INPP4B: variants seen among roughly 807,000 people sequenced by gnomAD.
The protein encoded by INPP4B is inositol polyphosphate-4-phosphatase type II B, also known as inositol polyphosphate 4-phosphatase type II.
In INPP4B, 55 loss-of-function variants were observed where a neutral mutation model predicts 122.5. The observed-to-expected ratio is 0.45, with a 90% CI of 0.36 to 0.56. The LOEUF (loss-of-function observed/expected upper bound fraction) is 0.56. INPP4B is among the 20% of genes least tolerant of loss of function. The pLI is 0.00. For synonymous variants in INPP4B, 403 were observed against 388.7 expected (o/e 1.04, Z -0.43); for missense variants, 1,000 against 1,097.7 (o/e 0.91, Z 1.26).
chr4:142,231,482 C>T (rs890931680), intron 12 of INPP4B, among the ~76,000 whole-genome samples: 3 of 152,126 alleles, frequency 2.0e-5, no homozygotes, highest in African/African-American at 7.2e-5. Flanking sequence ...TTCATTCTCG[C>T]TGATTTAAAA....
chr4:142,575,894 A>C (rs2150177601), intron 2 of INPP4B, among the ~76,000 whole-genome samples: 1 of 152,142 alleles, frequency 6.6e-6, no homozygotes, highest in Non-Finnish European at 1.5e-5. Flanking sequence ...TAGTTACTCA[A>C]GTAACTCAAG....
chr4:142,442,244 C>T (rs115858575), intron 3 of INPP4B, among the ~76,000 whole-genome samples: 3,782 of 151,606 alleles, frequency 0.025, 74 homozygotes, highest in Non-Finnish European at 0.038. Flanking sequence ...AATGCCATCT[C>T]CACCAAAAAA....
intron 14 of INPP4B, among the ~76,000 whole-genome samples, chr4:142,197,909 T>C (rs993762320): frequency 1.3e-5 from 2 of 152,238 alleles, no homozygotes; most frequent in Non-Finnish European, 2.9e-5. Flanking sequence ...TCTGATTCAC[T>C]AAACAAAAAA....
intron 2 of INPP4B, among the ~76,000 whole-genome samples, chr4:142,637,649 G>T (rs761509141): frequency 9.2e-5 from 14 of 152,178 alleles, no homozygotes; most frequent in African/African-American, 2.9e-4. Flanking sequence ...AAATAAAGCT[G>T]CTGTAAACAT....
At chr4:142,712,107 C>A (rs1300415019) in intron 2 of INPP4B, among the ~76,000 whole-genome samples, 4 of 152,084 alleles carry the variant, frequency 2.6e-5, no homozygotes, top group African/African-American at 9.7e-5. Flanking sequence ...CACTTTTGCA[C>A]CTTCTACCAT....
intron 5 of INPP4B, chr4:142,423,822 A>AT: frequency 3.5e-6 from 1 of 288,952 alleles, no homozygotes; most frequent in Non-Finnish European, 6.6e-6. Flanking sequence ...AATTTCCTAT[A>AT]AAAAAAAAAA....
chr4:142,423,128 T>C (rs1200874133), intron 5 of INPP4B, among the ~76,000 whole-genome samples: 2 of 152,106 alleles, frequency 1.3e-5, no homozygotes, highest in African/African-American at 4.8e-5. Context: ...TAATCATTTA[T>C]AGAACACAGA....
At chr4:142,791,942 T>C (rs1776613495) in intron 1 of INPP4B, among the ~76,000 whole-genome samples, 1 of 152,136 alleles carries the variant, frequency 6.6e-6, no homozygotes, top group African/African-American at 2.4e-5. Flanking sequence ...CACGTATGGT[T>C]GACAAGAAAT....
intron 1 of INPP4B, among the ~76,000 whole-genome samples, chr4:142,742,277 AT>A (rs1354659609): frequency 3.3e-5 from 5 of 152,026 alleles, no homozygotes; most frequent in Non-Finnish European, 4.4e-5. Flanking sequence ...AATGGGGGAC[AT>A]TTTTGTGGAA....
At chr4:142,076,553 C>A (rs563081301) in intron 25 of INPP4B, among the ~76,000 whole-genome samples, 1 of 152,082 alleles carries the variant, frequency 6.6e-6, no homozygotes, top group African/African-American at 2.4e-5. Context: ...ATGTAGCAAA[C>A]ACACCACTGA....
rs888149168 is a variant in INPP4B, at chr4:142,168,161, G to C, written c.1359+5471C>G. On this transcript the variant is annotated intron_variant, in intron 16 of 25. Transcript: ENST00000262992. ...AGCAACTTGATTATGATGTACTTGA[G>C]TTTATTTTTCTATATTTATTCTGTG... 2.6e-5 allele frequency among the ~76,000 whole-genome samples: 4 copies of C among 151,282 alleles called. No individual in the cohort carries two copies. The East Asian group carries it at 7.8e-4, about 29-fold the overall frequency.
At chr4:142,044,673 T>C (rs1378916237) in intron 25 of INPP4B, among the ~76,000 whole-genome samples, 2 of 152,026 alleles carry the variant, frequency 1.3e-5, no homozygotes, top group South Asian at 2.1e-4. Context: ...TTTTAAGATA[T>C]ATGAAATGAG....
At chr4:142,726,637 A>G (rs1310864460) in intron 1 of INPP4B, among the ~76,000 whole-genome samples, 1 of 152,218 alleles carries the variant, frequency 6.6e-6, no homozygotes, top group Non-Finnish European at 1.5e-5. Context: ...TCCAGAAAGG[A>G]CTGTTACATA....
chr4:142,386,349 G>C (rs1163368448), intron 7 of INPP4B, among the ~76,000 whole-genome samples: 1 of 152,128 alleles, frequency 6.6e-6, no homozygotes, highest in Admixed American at 6.6e-5. Context: ...CAATGAGCAT[G>C]GGAGTACAGA....
chr4:142,358,664 A>AC (rs564923150), intron 7 of INPP4B, among the ~76,000 whole-genome samples: 302 of 151,316 alleles, frequency 2.0e-3, no homozygotes, highest in African/African-American at 7.0e-3. Flanking sequence ...AAAAAAAAAA[A>AC]AAAAAAACTC....
At chr4:142,717,559 C>T (rs1213901045) in intron 2 of INPP4B, among the ~76,000 whole-genome samples, 1 of 152,014 alleles carries the variant, frequency 6.6e-6, no homozygotes, top group Non-Finnish European at 1.5e-5. Context: ...ACTATGCAGC[C>T]ATAAAAAAGG....
At position 142,410,320 on chromosome 4, in the gene INPP4B, G is replaced by A. The variant is rs1453160714; in HGVS notation, c.137-4996C>T. Reference sequence around the variant, plus strand: ...ACCACTGAGGCACTGTGAATTGGTGGTCAACCCCAAGTGACCATCTCTTTC... The same window carrying A: ...ACCACTGAGGCACTGTGAATTGGTGATCAACCCCAAGTGACCATCTCTTTC... On this transcript the variant is annotated intron_variant, in intron 5 of 25. Coordinates refer to ENST00000262992, the MANE Select transcript of INPP4B (RefSeq NM_001101669.3). 2.6e-5 allele frequency among the ~76,000 whole-genome samples: 4 copies of A among 152,222 alleles called. 1 individual carries two copies. The East Asian group carries it at 7.7e-4, about 29-fold the overall frequency.
chr4:142,757,906 CT>C (rs1288758585), intron 1 of INPP4B, among the ~76,000 whole-genome samples: 1 of 152,068 alleles, frequency 6.6e-6, no homozygotes, highest in East Asian at 1.9e-4. Context: ...TTCTGTGGTG[CT>C]TTTTTAAAAT....
intron 11 of INPP4B, among the ~76,000 whole-genome samples, chr4:142,239,985 CTG>C (rs1285023357): frequency 6.6e-6 from 1 of 151,360 alleles, no homozygotes; most frequent in African/African-American, 2.4e-5. Flanking sequence ...TTTAGAAAAA[CTG>C]TATTTTTAAT....
Sources: gnomAD v4.1 joint callset for allele counts (sites outside exome capture counted in the v4.1 genomes callset) on GRCh38, gnomAD v4.1.1 for gene constraint, MANE v1.5 for transcripts, NCBI Gene and HGNC (gene_info 2026-07-23, HGNC 2026-07-21) for gene names.